Variants in NCBP3 observed in about 807,000 individuals in gnomAD.
NCBP3 encodes nuclear cap binding subunit 3.
A neutral mutation model predicts 75.7 loss-of-function variants in NCBP3; 20 were observed. The ratio of observed to expected loss-of-function variants is 0.26; its 90% CI spans 0.19 to 0.38. The LOEUF (loss-of-function observed/expected upper bound fraction) is 0.38, where lower values mean the gene tolerates loss of function less well. NCBP3 is among the 10% of genes least tolerant of loss of function. NCBP3 has a pLI of 1.00. For synonymous variants in NCBP3, 293 were observed against 290.5 expected, an observed-to-expected ratio of 1.01 and a Z score of -0.09; for missense variants, 678 against 796.9, an observed-to-expected ratio of 0.85 and a Z score of 1.80.
rs1054662675 is a variant in NCBP3, at chr17:3,817,623, C to T, written c.1310+640G>A. Among the ~76,000 whole-genome samples the T allele has an allele frequency of 3.3e-5, 5 of 151,054 alleles. No homozygotes were observed. The East Asian group carries it at 5.8e-4, about 18-fold the overall frequency. On this transcript the variant is annotated intron_variant, in intron 10 of 12. Transcript: ENST00000389005. ...CAGCCTGGGTGACAGAGCGAGACTCCGTCTCAAAAAAAAAATAAAAACACA... is the reference window on the plus strand; with the variant it reads ...CAGCCTGGGTGACAGAGCGAGACTCTGTCTCAAAAAAAAAATAAAAACACA...
At position 3,803,586 on chromosome 17, in the gene NCBP3, G is replaced by A. The variant is rs1172528385; in HGVS notation, c.*9458C>T. ...ACAAATAATCCTCAAATGGTTCATG[G>A]TTCAGAGAGGATAGGAAGAAACAGG... is the stretch of plus-strand genomic sequence containing the variant. On this transcript the variant is annotated 3_prime_UTR_variant, in exon 13 of 13. Transcript: ENST00000389005. 6.6e-6 allele frequency: 1 copy of A among 152,234 alleles called. No homozygotes were observed. The highest frequency in any genetic ancestry group is 6.5e-5 in the Admixed American group (1 of 15,276). 9.4% of individuals were successfully genotyped at this position (152,234 alleles called of 1,614,324 possible). A position where few individuals can be genotyped will look rare whatever the true frequency, so the allele number is the denominator to read the frequency against.
At position 3,812,972 on chromosome 17, in the gene NCBP3, G is replaced by A. The variant is rs2143632259; in HGVS notation, c.*72C>T. 1 of 1,591,366 alleles carries A rather than the reference G, an allele frequency of 6.3e-7. No homozygotes were observed. On this transcript the variant is annotated 3_prime_UTR_variant, in exon 13 of 13. Coordinates refer to ENST00000389005, the MANE Select transcript of NCBP3 (RefSeq NM_001114118.3). Reference sequence around the variant, plus strand: ...AGAGGGCGCCAGCTCCTGCGGGGGAGGTTCCTACTGCGCGCCCCACCCTGT... The same window carrying A: ...AGAGGGCGCCAGCTCCTGCGGGGGAAGTTCCTACTGCGCGCCCCACCCTGT...
chr17:3,823,825 G>A (rs2053718428), intron 7 of NCBP3: 1 of 152,160 alleles, frequency 6.6e-6, no homozygotes, highest in Admixed American at 6.5e-5. Flanking sequence ...ACGTCCCTAG[G>A]ACTGGGACGA....
In NCBP3 at chr17:3,813,267, G is replaced by C. The variant is rs765127465; in HGVS notation, c.1640C>G (p.Thr547Ser). The C allele has an allele frequency of 1.9e-6, 3 of 1,614,002 alleles. No individual in the cohort carries two copies. The South Asian group carries it at 3.3e-5, about 18-fold the overall frequency. Reference sequence around the variant, plus strand: ...GGTCTTGGGTGCAGATCCTAGGCGAGTCCATAAATTACCTGTTTGGATGAG... The same window carrying C: ...GGTCTTGGGTGCAGATCCTAGGCGACTCCATAAATTACCTGTTTGGATGAG... Reference protein sequence around the residue: ...TREKKSGNLWTRLGSAPKTKE... With the variant: ...TREKKSGNLWSRLGSAPKTKE... The change falls in exon 13 of 13, where the codon ACT becomes AGT. Residue 547 changes from threonine (T) to serine (S), a missense_variant. Transcript: ENST00000389005.
intron 4 of NCBP3, 44 bp from the exon 5 acceptor site, chr17:3,826,259 G>A: frequency 6.7e-7 from 1 of 1,503,162 alleles, no homozygotes; most frequent in Non-Finnish European, 8.9e-7. Context: ...CATGGAAATG[G>A]TAAGCTTCTT....
intron 1 of NCBP3, among the ~76,000 whole-genome samples, chr17:3,845,680 G>A (rs1306955463): frequency 6.6e-6 from 1 of 152,136 alleles, no homozygotes; most frequent in East Asian, 1.9e-4. Flanking sequence ...CTTCTGGGCT[G>A]CCCCTGGTTC....
rs1448528618 is a variant in NCBP3 at position 3,822,225 on chromosome 17, T to C, written c.797-173A>G. 8.9e-6 allele frequency: 5 copies of C among 560,510 alleles called. No homozygotes were observed. The African/African-American group carries it at 9.5e-5, about 11-fold the overall frequency. The allele number at this position is 560,510 out of a possible 1,614,324, so 34.7% of individuals were successfully genotyped here. A position where few individuals can be genotyped will look rare whatever the true frequency, so the allele number is the denominator to read the frequency against. ...GAGTGCCCACTACAGCAATGCAGTG[T>C]AGAGGGGATAAAGCAAAATACAGAG... On this transcript the variant is annotated intron_variant, in intron 7 of 12. Transcript: ENST00000389005.
rs994572070 is a variant in NCBP3 at position 3,807,563 on chromosome 17, T to C, written c.*5481A>G. The C allele has an allele frequency of 6.6e-6, 1 of 152,194 alleles. No individual in the cohort carries two copies. Among genetic ancestry groups the C allele is most frequent in the African/African-American group, 2.4e-5 (1 of 41,430 alleles). The allele number at this position is 152,194 out of a possible 1,614,324, so 9.4% of individuals were successfully genotyped here. A position where few individuals can be genotyped will look rare whatever the true frequency, so the allele number is the denominator to read the frequency against. ...TTACCAAACACTTTCGAAGCACTAC[T>C]TACTCTGGGCTGGCCTGATGAAAGG... On this transcript the variant is annotated 3_prime_UTR_variant, in exon 13 of 13. Coordinates refer to ENST00000389005, the MANE Select transcript of NCBP3 (RefSeq NM_001114118.3).
chr17:3,839,719 G>A (rs979232606), intron 3 of NCBP3, among the ~76,000 whole-genome samples: 2 of 152,142 alleles, frequency 1.3e-5, no homozygotes, highest in South Asian at 2.1e-4. Context: ...CTAACTCCCC[G>A]AAAAGAAGGT....
intron 3 of NCBP3, among the ~76,000 whole-genome samples, chr17:3,830,980 C>T (rs549140350): frequency 7.3e-5 from 11 of 150,886 alleles, no homozygotes; most frequent in African/African-American, 2.2e-4. Flanking sequence ...GGTGCAATCT[C>T]GGCTCACTGC....
At position 3,831,898 on chromosome 17, in the gene NCBP3, A is replaced by AG. The variant is rs1324422625; in HGVS notation, c.356-2531dup. ...TTGTTTGTAACTCAATAAAAGCTTG[A>AG]GGGGGCTGGGCACAGTGGCTTACAC... On this transcript the variant is annotated intron_variant, in intron 3 of 12. Coordinates refer to ENST00000389005, the MANE Select transcript of NCBP3 (RefSeq NM_001114118.3). Among the ~76,000 whole-genome samples the AG allele has an allele frequency of 1.6e-5, 2 of 122,296 alleles. 1 individual carries two copies. Among genetic ancestry groups the AG allele is most frequent in the Non-Finnish European group, 4.0e-5 (2 of 50,482 alleles). 80.2% of individuals were successfully genotyped at this position (122,296 alleles called of 152,430 possible).
Position 3,808,392 on chromosome 17 carries a change from C to T in NCBP3, c.*4652G>A, listed in dbSNP as rs768935045. On this transcript the variant is annotated 3_prime_UTR_variant, in exon 13 of 13. Coordinates refer to ENST00000389005, the MANE Select transcript of NCBP3 (RefSeq NM_001114118.3). Reference sequence around the variant, plus strand: ...TTAGGCACTGACCTTAGAACTGAATCCTGGAGAGAGCTGAGACTCTTCTGT... The same window carrying T: ...TTAGGCACTGACCTTAGAACTGAATTCTGGAGAGAGCTGAGACTCTTCTGT... 5 of 152,194 alleles carry T rather than the reference C, an allele frequency of 3.3e-5. No homozygotes were observed. The highest frequency in any genetic ancestry group is 7.3e-5 in the Non-Finnish European group (5 of 68,036). 9.4% of individuals were successfully genotyped at this position (152,194 alleles called of 1,614,324 possible).
rs1413232763 is a variant in NCBP3, at chr17:3,831,642, G to A, written c.356-2274C>T. Among the ~76,000 whole-genome samples the A allele has an allele frequency of 2.5e-5, 3 of 120,786 alleles. 1 individual carries two copies. Among genetic ancestry groups the A allele is most frequent in the Non-Finnish European group, 4.0e-5 (2 of 50,020 alleles). The allele number at this position is 120,786 out of a possible 152,430, so 79.2% of individuals were successfully genotyped here. A position where few individuals can be genotyped will look rare whatever the true frequency, so the allele number is the denominator to read the frequency against. ...TACTACCTAGCTTTATGCTTAATTCGTTATAAGATCTCAGGCACACAAAAC... is the reference window on the plus strand; with the variant it reads ...TACTACCTAGCTTTATGCTTAATTCATTATAAGATCTCAGGCACACAAAAC... On this transcript the variant is annotated intron_variant, in intron 3 of 12. Coordinates refer to ENST00000389005, the MANE Select transcript of NCBP3 (RefSeq NM_001114118.3).
chr17:3,822,955 T>C (rs991355735), intron 7 of NCBP3: 53 of 152,220 alleles, frequency 3.5e-4, no homozygotes, highest in African/African-American at 1.3e-3. Flanking sequence ...TAAAGAATCA[T>C]GGAGTATGTC....
intron 12 of NCBP3, 126 bp from the exon 13 acceptor site, chr17:3,813,405 C>A (rs958120529): frequency 8.4e-7 from 1 of 1,193,196 alleles, no homozygotes; most frequent in Non-Finnish European, 1.2e-6. Context: ...AGCCTGCCAC[C>A]ACAGTGCAGC....
chr17:3,814,268 C>T, intron 12 of NCBP3, 54 bp downstream of exon 12: 3 of 1,572,364 alleles, frequency 1.9e-6, no homozygotes, highest in Non-Finnish European at 2.6e-6. Flanking sequence ...AATACACCCA[C>T]TGTCCTCTGC....
At chr17:3,830,919 CT>C (rs1181966080) in intron 3 of NCBP3, among the ~76,000 whole-genome samples, 1 of 131,034 alleles carries the variant, frequency 7.6e-6, no homozygotes, top group Non-Finnish European at 1.6e-5. Flanking sequence ...TTTTTTTTTT[CT>C]TTTTTTTTGA....
At chr17:3,816,746 A>C (rs1280575263) in intron 10 of NCBP3, among the ~76,000 whole-genome samples, 1 of 152,238 alleles carries the variant, frequency 6.6e-6, no homozygotes, top group Non-Finnish European at 1.5e-5. Context: ...TCTGAAAACC[A>C]AAAATAAGAA....
At chr17:3,823,259 C>G (rs2053704928) in intron 7 of NCBP3, among the ~76,000 whole-genome samples, 1 of 152,116 alleles carries the variant, frequency 6.6e-6, no homozygotes, top group Admixed American at 6.6e-5. Flanking sequence ...TGCAGGGAGG[C>G]AGAGGTTGCA....
Sources: gnomAD v4.1 joint callset for allele counts (sites outside exome capture counted in the v4.1 genomes callset) on GRCh38, gnomAD v4.1.1 for gene constraint, MANE v1.5 for transcripts, NCBI Gene and HGNC (gene_info 2026-07-23, HGNC 2026-07-21) for gene names.